PPARGC1A: variants seen among roughly 807,000 people sequenced by gnomAD.
PPARGC1A encodes PPARG coactivator 1 alpha.
PPARGC1A carries 25 observed loss-of-function variants against 88.7 expected under a neutral mutation model. The observed-to-expected ratio is 0.28, with a 90% CI of 0.21 to 0.39. The LOEUF is 0.39. Among genes scored for constraint, PPARGC1A ranks in the 10% least tolerant of loss-of-function variants. The pLI, the probability that PPARGC1A is intolerant of heterozygous loss-of-function variation, is 1.00. For missense variants in PPARGC1A, 880 were observed against 968.7 expected (o/e 0.91, Z 1.22); for synonymous variants, 363 against 355.6 (o/e 1.02, Z -0.24).
intron 1 of PPARGC1A, among the ~76,000 whole-genome samples, chr4:23,886,166 A>G (rs1716853788): frequency 6.6e-6 from 1 of 152,182 alleles, no homozygotes; most frequent in African/African-American, 2.4e-5. Context: ...CTGACGCAGC[A>G]CCCTCATGGC....
chr4:24,261,071 C>G, the PPARGC1A span, among the ~76,000 whole-genome samples: 2 of 152,152 alleles, frequency 1.3e-5, no homozygotes, highest in Non-Finnish European at 2.9e-5. Flanking sequence ...GTTTCGCTGG[C>G]CTGTTTTCAT....
chr4:24,441,212 C>T, the PPARGC1A span, among the ~76,000 whole-genome samples: 3 of 152,200 alleles, frequency 2.0e-5, no homozygotes, highest in African/African-American at 7.2e-5. Context: ...TGTCATGCTG[C>T]CTGGCTCCTG....
the PPARGC1A span, among the ~76,000 whole-genome samples, chr4:24,434,868 C>G: frequency 6.6e-6 from 1 of 152,228 alleles, no homozygotes; most frequent in African/African-American, 2.4e-5. Context: ...AGAATGGGTG[C>G]TGTCAATGAC....
chr4:24,323,122 G>T, the PPARGC1A span, among the ~76,000 whole-genome samples: 1 of 152,102 alleles, frequency 6.6e-6, no homozygotes, highest in African/African-American at 2.4e-5. Context: ...AAACCATGCC[G>T]GGCCTTAGAG....
the PPARGC1A span, among the ~76,000 whole-genome samples, chr4:24,022,686 A>G: frequency 6.6e-6 from 1 of 152,198 alleles, no homozygotes; most frequent in South Asian, 2.1e-4. Context: ...GTTGCCTCAG[A>G]TTAGAAAGGA....
the PPARGC1A span, among the ~76,000 whole-genome samples, chr4:23,968,911 C>CCAAAA: frequency 0.2 from 29,443 of 150,800 alleles, 3,397 homozygotes; most frequent in Admixed American, 0.34. Flanking sequence ...AAACTCCATC[C>CCAAAA]CAAAACAAAA....
At chr4:23,844,703 C>CATAATATATGATATATATTATT (rs1481917133) in intron 2 of PPARGC1A, among the ~76,000 whole-genome samples, 2 of 84,480 alleles carry the variant, frequency 2.4e-5, no homozygotes, top group African/African-American at 5.4e-5. Flanking sequence ...TATGATCTAT[C>CATAATATATGATATATATTATT]ATAATATATG....
At chr4:24,066,364 T>C in the PPARGC1A span, among the ~76,000 whole-genome samples, 2 of 152,150 alleles carry the variant, frequency 1.3e-5, no homozygotes, top group Non-Finnish European at 2.9e-5. Flanking sequence ...TTAATACTAA[T>C]ATTGAAAAAT....
chr4:24,102,668 A>C, the PPARGC1A span, among the ~76,000 whole-genome samples: 20 of 152,164 alleles, frequency 1.3e-4, no homozygotes, highest in African/African-American at 1.9e-4. Flanking sequence ...CTATCCGGGA[A>C]CTTTTGATTT....
chr4:24,226,825 G>A, the PPARGC1A span, among the ~76,000 whole-genome samples: 2 of 152,180 alleles, frequency 1.3e-5, no homozygotes, highest in African/African-American at 2.4e-5. Flanking sequence ...CAGCTCTGAG[G>A]TCTATGATCG....
chr4:24,337,141 T>C, the PPARGC1A span, among the ~76,000 whole-genome samples: 1 of 152,156 alleles, frequency 6.6e-6, no homozygotes, highest in African/African-American at 2.4e-5. Flanking sequence ...GGTAAAGAAA[T>C]GTTATAAAGC....
At chr4:24,257,232 G>C in the PPARGC1A span, among the ~76,000 whole-genome samples, 1 of 152,056 alleles carries the variant, frequency 6.6e-6, no homozygotes, top group African/African-American at 2.4e-5. Context: ...CCTTAGAACT[G>C]GCCAACAAAT....
the PPARGC1A span, among the ~76,000 whole-genome samples, chr4:24,170,343 G>A: frequency 1.3e-5 from 2 of 152,204 alleles, no homozygotes; most frequent in Non-Finnish European, 2.9e-5. Context: ...AATCCATGTG[G>A]CAGCTAAGTG....
the PPARGC1A span, among the ~76,000 whole-genome samples, chr4:24,053,746 T>C: frequency 6.6e-6 from 1 of 152,166 alleles, no homozygotes; most frequent in Admixed American, 6.5e-5. Flanking sequence ...AAGCCTCAGG[T>C]TAGTTGTGGA....
chr4:24,057,187 A>G, the PPARGC1A span, among the ~76,000 whole-genome samples: 1 of 152,232 alleles, frequency 6.6e-6, no homozygotes. Flanking sequence ...GCTAAGTGAA[A>G]TAAGTGAATC....
At chr4:24,100,826 A>G in the PPARGC1A span, among the ~76,000 whole-genome samples, 7 of 152,214 alleles carry the variant, frequency 4.6e-5, no homozygotes, top group African/African-American at 1.4e-4. Flanking sequence ...CCAGGAAAGC[A>G]TTATGACGGG....
At chr4:24,395,800 C>T in the PPARGC1A span, among the ~76,000 whole-genome samples, 5 of 152,182 alleles carry the variant, frequency 3.3e-5, no homozygotes, top group Non-Finnish European at 5.9e-5. Flanking sequence ...TGTCCAATGT[C>T]ACACCATTGT....
chr4:24,269,460 C>T, the PPARGC1A span, among the ~76,000 whole-genome samples: 141,870 of 152,208 alleles, frequency 0.93, 66,210 homozygotes, highest in South Asian at 0.99. Flanking sequence ...TGAAATGTAT[C>T]TGAAATCATT....
chr4:23,901,615 A>G (rs1429093145), upstream of PPARGC1A, among the ~76,000 whole-genome samples: 1 of 152,146 alleles, frequency 6.6e-6, no homozygotes, highest in African/African-American at 2.4e-5. Flanking sequence ...CTGACAAGAC[A>G]GCATGAGCTT....
Sources: gnomAD v4.1 joint callset for allele counts (sites outside exome capture counted in the v4.1 genomes callset) on GRCh38, gnomAD v4.1.1 for gene constraint, MANE v1.5 for transcripts, NCBI Gene and HGNC (gene_info 2026-07-23, HGNC 2026-07-21) for gene names.